Variants in TBX6 observed in about 807,000 individuals in gnomAD.
TBX6 encodes the protein T-box transcription factor 6.
In TBX6, 29 loss-of-function variants were observed where a neutral mutation model predicts 42.3. The observed-to-expected ratio is 0.69, with a 90% confidence interval of 0.51 to 0.93. The LOEUF (loss-of-function observed/expected upper bound fraction) is 0.93, where lower values mean the gene tolerates loss of function less well. TBX6 is among the 40% of genes least tolerant of loss of function. The pLI is 0.00. For missense variants in TBX6, 569 were observed against 603.3 expected (o/e 0.94, Z 0.59); for synonymous variants, 249 against 245.1 (o/e 1.02, Z -0.15).
In TBX6 at chr16:30,089,094, C is replaced by CGCCG. The variant is rs773047088; in HGVS notation, c.466_469dup (p.Arg157ProfsTer15). 3.6e-5 allele frequency: 58 copies of CGCCG among 1,613,738 alleles called. No homozygotes were observed. Among genetic ancestry groups the CGCCG allele is most frequent in the Non-Finnish European group, 5.9e-6 (7 of 1,179,986 alleles). Reference sequence around the variant, plus strand: ...CTCTGCCTTGCCGCTGGGCTCCCAGCGCCGGCCCTGCCAGCGGTAGCGAGC... The same window carrying CGCCG: ...CTCTGCCTTGCCGCTGGGCTCCCAGCGCCGGCCGGCCCTGCCAGCGGTAGCGAGC... On this transcript the variant is annotated frameshift_variant, in exon 4 of 9. Coordinates refer to ENST00000395224, the MANE Select transcript of TBX6 (RefSeq NM_004608.4). LOFTEE classifies it high-confidence loss of function.
Position 30,088,312 on chromosome 16 carries a change from AC to A in TBX6, c.839+232del, listed in dbSNP as rs2072670211. ...TCTTGTCTGCTTGTCTACTCTCCCC[AC>A]TAGAAATCAGCTGCATGAGGGCCGG... On this transcript the variant is annotated intron_variant, in intron 6 of 8. Coordinates refer to ENST00000395224, the MANE Select transcript of TBX6 (RefSeq NM_004608.4). This position sits in a 1 kb window ranked among gnomAD's most constrained non-coding sequence, Gnocchi z 4.1. 2 of 594,584 alleles carry A rather than the reference AC, an allele frequency of 3.4e-6. No homozygotes were observed. The highest frequency in any genetic ancestry group is 3.7e-5 in the African/African-American group (2 of 53,700). The allele number at this position is 594,584 out of a possible 1,614,324, so 36.8% of individuals were successfully genotyped here. A position where few individuals can be genotyped will look rare whatever the true frequency, so the allele number is the denominator to read the frequency against.
chr16:30,086,302 G>T lies in TBX6; in HGVS notation c.1234C>A (p.Leu412Ile). The change falls in exon 9 of 9, where the codon CTC becomes ATC. Residue 412 changes from leucine (L) to isoleucine (I), a missense_variant. Physicochemically the swap from Leu to Ile is conservative, Grantham distance 5. This residue lies in a region of TBX6 where 245 missense variants were observed against 227.4 expected (regional missense o/e 1.08). Transcript: ENST00000395224. The surrounding 1 kb of genome is among the most constrained non-coding windows in gnomAD (Gnocchi z 4.6). ...GGTAGAGGGAAGGGGCCCCCTTGGAGAAAGTGCGGGGCAAAGGGTACCGCC... is the reference window on the plus strand; with the variant it reads ...GGTAGAGGGAAGGGGCCCCCTTGGATAAAGTGCGGGGCAAAGGGTACCGCC... ...PPAVPFAPHF[L>I]QGGPFPLPYT... 1 of 1,611,644 alleles carries T rather than the reference G, an allele frequency of 6.2e-7. No individual in the cohort carries two copies. The highest frequency in any genetic ancestry group is 8.5e-7 in the Non-Finnish European group (1 of 1,179,290).
chr16:30,088,433 G>T lies in TBX6; in HGVS notation c.839+112C>A. 2.1e-6 allele frequency: 3 copies of T among 1,425,100 alleles called. No individual in the cohort carries two copies. Among genetic ancestry groups the T allele is most frequent in the South Asian group, 1.2e-5 (1 of 85,712 alleles). The allele number at this position is 1,425,100 out of a possible 1,614,324, so 88.3% of individuals were successfully genotyped here. ...ATAAGTATTTGCTGAGTCAGTGAATGAATGTTTTCACTTACCACTGCATTT... is the reference window on the plus strand; with the variant it reads ...ATAAGTATTTGCTGAGTCAGTGAATTAATGTTTTCACTTACCACTGCATTT... On this transcript the variant is annotated intron_variant, in intron 6 of 8. Coordinates refer to ENST00000395224, the MANE Select transcript of TBX6 (RefSeq NM_004608.4). The surrounding 1 kb of genome is among the most constrained non-coding windows in gnomAD (Gnocchi z 4.1).
In TBX6 at chr16:30,089,096, C is replaced by G. The variant is rs1248916691; in HGVS notation, c.468G>C (p.Arg156=). Residue 156 remains arginine, a synonymous_variant, in exon 4 of 9, where the codon CGG becomes CGC. Transcript: ENST00000395224. ...VDGARYRWQG[R]RWEPSGKAEP... is the part of the protein sequence containing the mutation. ...CTGCCTTGCCGCTGGGCTCCCAGCG[C>G]CGGCCCTGCCAGCGGTAGCGAGCCC... The G allele has an allele frequency of 6.2e-7, 1 of 1,613,894 alleles. No individual in the cohort carries two copies. The highest frequency in any genetic ancestry group is 8.5e-7 in the Non-Finnish European group (1 of 1,179,994).
At position 30,086,174 on chromosome 16, in the gene TBX6, G is replaced by C. The variant is rs1443223469; in HGVS notation, c.*51C>G. 1 of 1,589,906 alleles carries C rather than the reference G, an allele frequency of 6.3e-7. No individual in the cohort carries two copies. The highest frequency in any genetic ancestry group is 1.4e-5 in the African/African-American group (1 of 73,602). ...TGGAGGTGAGGGGGCTCCAGGGCTG[G>C]GGGAAGGGAGCGGGAGGTTTGTGAT... is the stretch of plus-strand genomic sequence containing the variant. On this transcript the variant is annotated 3_prime_UTR_variant, in exon 9 of 9. Transcript: ENST00000395224. This position sits in a 1 kb window ranked among gnomAD's most constrained non-coding sequence, Gnocchi z 4.6.
chr16:30,086,162 G>C lies in TBX6; in HGVS notation c.*63C>G, dbSNP rs1015024985. On this transcript the variant is annotated 3_prime_UTR_variant, in exon 9 of 9. Coordinates refer to ENST00000395224, the MANE Select transcript of TBX6 (RefSeq NM_004608.4). The surrounding 1 kb of genome is among the most constrained non-coding windows in gnomAD (Gnocchi z 4.6). ...GGATGGGGCCGGTGGAGGTGAGGGGGCTCCAGGGCTGGGGGAAGGGAGCGG... is the reference window on the plus strand; with the variant it reads ...GGATGGGGCCGGTGGAGGTGAGGGGCCTCCAGGGCTGGGGGAAGGGAGCGG... The C allele has an allele frequency of 1.9e-5, 29 of 1,557,730 alleles. No homozygotes were observed. Among genetic ancestry groups the C allele is most frequent in the Non-Finnish European group, 2.5e-5 (29 of 1,147,664 alleles).
rs553009645 is a variant in TBX6, at chr16:30,086,594, G to A, written c.1015C>T (p.Pro339Ser). 2 of 1,574,486 alleles carry A rather than the reference G, an allele frequency of 1.3e-6. No homozygotes were observed. Among genetic ancestry groups the A allele is most frequent in the Admixed American group, 2.0e-5 (1 of 49,244 alleles). ...APGEATAAPA[P>S]LCGGPSAEAY... ...TCAGCACTGGGGCCACCACACAGAG[G>A]TGCCGGGGCAGCGGTGGCTTCCCCG... is the stretch of plus-strand genomic sequence containing the variant. Residue 339 changes from proline (P) to serine (S), a missense_variant, in exon 8 of 9, where the codon CCT becomes TCT. Around this residue, in one of 3 missense-constraint regions of TBX6, gnomAD observed 245 missense variants for 227.4 expected, o/e 1.08. Transcript: ENST00000395224. The surrounding 1 kb of genome is among the most constrained non-coding windows in gnomAD (Gnocchi z 4.6).
intron 3 of TBX6, among the ~76,000 whole-genome samples, chr16:30,089,865 G>C (rs1173896308): frequency 6.7e-6 from 1 of 149,434 alleles, no homozygotes; most frequent in Non-Finnish European, 1.5e-5. Context: ...AGGAAGCAGA[G>C]GTTGCGGTGA....
At position 30,090,851 on chromosome 16, in the gene TBX6, G is replaced by T; in HGVS notation, c.260C>A (p.Ser87Tyr). The change falls in exon 3 of 9, where the codon TCC becomes TAC. Residue 87 changes from serine to tyrosine, a missense_variant. Ser to Tyr is a moderately radical substitution (Grantham distance 144). Coordinates refer to ENST00000395224, the MANE Select transcript of TBX6 (RefSeq NM_004608.4). ...CAGGCTCAGGCTGACCCCCGGGAGG[G>T]AATGGAGGGCCTCTGGAGCTGATGG... ...PAPSAPEALH[S>Y]LPGVSLSLEN... The T allele has an allele frequency of 1.2e-6, 2 of 1,605,532 alleles. No homozygotes were observed. Among genetic ancestry groups the T allele is most frequent in the Non-Finnish European group, 8.5e-7 (1 of 1,175,010 alleles).
Position 30,090,947 on chromosome 16 carries a change from G to A in TBX6, c.164C>T (p.Ala55Val). 1 of 1,613,396 alleles carries A rather than the reference G, an allele frequency of 6.2e-7. No individual in the cohort carries two copies. The highest frequency in any genetic ancestry group is 8.5e-7 in the Non-Finnish European group (1 of 1,179,902). ...GTGCGCGGCCAGGGTGCGGGGAGCA[G>A]CCTCCATCCCGGAGAGGAAGCAATC... is the stretch of plus-strand genomic sequence containing the variant. ...KLDCFLSGME[A>V]APRTLAAHPP... is the part of the protein sequence containing the mutation. Residue 55 changes from alanine (A) to valine (V), a missense_variant, in exon 3 of 9, where the codon GCT becomes GTT. Physicochemically the swap from Ala to Val is moderately conservative, Grantham distance 64. Transcript: ENST00000395224.
In TBX6 at chr16:30,090,749, G is replaced by C; in HGVS notation, c.353+9C>G. 1 of 1,609,580 alleles carries C rather than the reference G, an allele frequency of 6.2e-7. No individual in the cohort carries two copies. The highest frequency in any genetic ancestry group is 1.1e-5 in the South Asian group (1 of 90,456). On this transcript the variant is annotated intron_variant, in intron 3 of 8. Coordinates refer to ENST00000395224, the MANE Select transcript of TBX6 (RefSeq NM_004608.4). ...CCACCAGAAACACGGACCCTGGCCAGCCCCTCACCTCCCAGCTTTGGTGAT... is the reference window on the plus strand; with the variant it reads ...CCACCAGAAACACGGACCCTGGCCACCCCCTCACCTCCCAGCTTTGGTGAT...
intron 3 of TBX6, 123 bp downstream of exon 3, chr16:30,090,634 CA>C: frequency 1.0e-6 from 1 of 979,258 alleles, no homozygotes; most frequent in South Asian, 1.7e-5. Flanking sequence ...AGGCCATAGT[CA>C]GATTCTAGGC....
At position 30,088,949 on chromosome 16, in the gene TBX6, G is replaced by T. The variant is rs749456982; in HGVS notation, c.615C>A (p.His205Gln). Residue 205 changes from histidine to glutamine, a missense_variant, in exon 4 of 9, where the codon CAC becomes CAA. Around this residue, in one of 3 missense-constraint regions of TBX6, gnomAD observed 190 missense variants for 250.6 expected, o/e 0.76. Coordinates refer to ENST00000395224, the MANE Select transcript of TBX6 (RefSeq NM_004608.4). This position sits in a 1 kb window ranked among gnomAD's most constrained non-coding sequence, Gnocchi z 4.1. ...VKLTNSTLDP[H>Q]GHLILHSMHK... is the part of the protein sequence containing the mutation. ...GTCCCAGCCTGGGCCTCACGTGGCC[G>T]TGGGGGTCCAGCGTGCTGTTGGTGA... 6.2e-7 allele frequency: 1 copy of T among 1,606,886 alleles called. No homozygotes were observed. Among genetic ancestry groups the T allele is most frequent in the Admixed American group, 1.7e-5 (1 of 59,808 alleles).
Position 30,086,242 on chromosome 16 carries a change from A to G in TBX6, c.1294T>C (p.Ser432Pro). Residue 432 changes from serine to proline, a missense_variant, in exon 9 of 9, where the codon TCC (serine) becomes CCC (proline). Physicochemically the swap from Ser to Pro is moderately conservative, Grantham distance 74. Transcript: ENST00000395224. This position sits in a 1 kb window ranked among gnomAD's most constrained non-coding sequence, Gnocchi z 4.6. ...GCAGTGGTTCAGTACATGGGTTTGG[A>G]GCCCACATCCAGATAGCCCCCAGGC... ...TAPGGYLDVGSKPMY is the reference protein window; with the variant it reads ...TAPGGYLDVGPKPMY 6.2e-7 allele frequency: 1 copy of G among 1,611,610 alleles called. No homozygotes were observed.
Position 30,089,036 on chromosome 16 carries a change from G to A in TBX6, c.528C>T (p.Pro176=), listed in dbSNP as rs771850528. The A allele has an allele frequency of 1.9e-5, 30 of 1,613,864 alleles. No homozygotes were observed. Among genetic ancestry groups the A allele is most frequent in the Non-Finnish European group, 2.4e-5 (28 of 1,180,012 alleles). The change falls in exon 4 of 9, where the codon CCC becomes CCT. Residue 176 remains proline, a synonymous_variant. Transcript: ENST00000395224. ...AATGTGCACCAGTGGCAGGAGAGTCGGGGTGAATGTAGACACGGTCAGGCA... is the reference window on the plus strand; with the variant it reads ...AATGTGCACCAGTGGCAGGAGAGTCAGGGTGAATGTAGACACGGTCAGGCA... ...PRLPDRVYIH[P]DSPATGAHWM...
At position 30,090,823 on chromosome 16, in the gene TBX6, C is replaced by G. The variant is rs2072709805; in HGVS notation, c.288G>C (p.Glu96Asp). ...HSLPGVSLSL[E>D]NRELWKEFSS... ...TGAACTCCTTCCATAGCTCCCGGTT[C>G]TCCAGGCTCAGGCTGACCCCCGGGA... is the stretch of plus-strand genomic sequence containing the variant. The change falls in exon 3 of 9, where the codon GAG becomes GAC. Residue 96 changes from glutamate (E) to aspartate (D), a missense_variant. Around this residue, in one of 3 missense-constraint regions of TBX6, gnomAD observed 190 missense variants for 250.6 expected, o/e 0.76. Transcript: ENST00000395224. 1 of 1,603,612 alleles carries G rather than the reference C, an allele frequency of 6.2e-7. No individual in the cohort carries two copies. The highest frequency in any genetic ancestry group is 1.3e-5 in the African/African-American group (1 of 74,582).
chr16:30,090,586 G>A (rs566205412), intron 3 of TBX6, among the ~76,000 whole-genome samples, 172 bp downstream of exon 3: 19 of 152,262 alleles, frequency 1.2e-4, no homozygotes, highest in African/African-American at 4.3e-4. Context: ...TTGTCACAGA[G>A]TGACTCCTGA....
chr16:30,088,695 G>A lies in TBX6; in HGVS notation c.766C>T (p.Gln256Ter), dbSNP rs2072676052. 1 of 1,614,162 alleles carries A rather than the reference G, an allele frequency of 6.2e-7. No individual in the cohort carries two copies. ...CCCCCTCAAGCAGGGTCACTCACCT[G>A]TGGGTTCTGGTAGGCTGTCACGGAG... ...FISVTAYQNP[Q>*]ITQLKIAANP... Residue 256 changes from glutamine (Q) to a stop codon, truncating the protein, a stop_gained and splice_region_variant, in exon 5 of 9, where the codon CAG becomes TAG. Transcript: ENST00000395224. LOFTEE classifies it high-confidence loss of function. The surrounding 1 kb of genome is among the most constrained non-coding windows in gnomAD (Gnocchi z 4.1).
Position 30,086,738 on chromosome 16 carries a change from G to A in TBX6, c.913+40C>T. The A allele has an allele frequency of 5.0e-6, 8 of 1,613,442 alleles. No homozygotes were observed. The highest frequency in any genetic ancestry group is 6.8e-6 in the Non-Finnish European group (8 of 1,179,660). On this transcript the variant is annotated intron_variant, in intron 7 of 8. Transcript: ENST00000395224. This position sits in a 1 kb window ranked among gnomAD's most constrained non-coding sequence, Gnocchi z 4.6. The stretch of plus-strand genomic sequence containing the variant: ...AGAGGTTGGGCTAGGGAGGATCCCT[G>A]TCTCAGGCCTGGCCCCATCGCCATC...
Sources: gnomAD v4.1 joint callset for allele counts (sites outside exome capture counted in the v4.1 genomes callset) on GRCh38, gnomAD v4.1.1 for gene constraint, gnomAD v4.1.1 regional missense constraint, Gnocchi (gnomAD v3.1) non-coding constraint, MANE v1.5 for transcripts, NCBI Gene and HGNC (gene_info 2026-07-23, HGNC 2026-07-21) for gene names.